PTP4A1: variants seen among roughly 807,000 people sequenced by gnomAD.
PTP4A1 encodes protein tyrosine phosphatase type IVA 1.
Under a neutral mutation model 20.5 loss-of-function variants are expected in PTP4A1, and 9 were observed. The observed-to-expected ratio is 0.44, with a 90% CI of 0.26 to 0.77. The LOEUF (loss-of-function observed/expected upper bound fraction) is 0.77. Ranked by LOEUF, PTP4A1 falls within the 30% of genes least tolerant of loss-of-function variation. The probability of loss-of-function intolerance (pLI) is 0.19; values close to 1 mark genes in which losing one functional copy is unlikely to be tolerated. For synonymous variants in PTP4A1, 78 were observed against 67.4 expected (o/e 1.16, Z -0.77); for missense variants, 137 against 218.8 (o/e 0.63, Z 2.36).
At chr6:63,562,003 A>G (rs929755078) in intron 3 of PTP4A1, among the ~76,000 whole-genome samples, 1 of 152,148 alleles carries the variant, frequency 6.6e-6, no homozygotes, top group Non-Finnish European at 1.5e-5. Flanking sequence ...CATTTTTGGA[A>G]AAAAAATACA....
chr6:63,536,127 T>C (rs1775716369), intron 2 of PTP4A1, among the ~76,000 whole-genome samples: 2 of 151,918 alleles, frequency 1.3e-5, no homozygotes, highest in Admixed American at 1.3e-4. Flanking sequence ...AGGCCAACAG[T>C]TCCAGACCAG....
At chr6:63,572,243 A>C, upstream of PTP4A1, 1 of 169,906 alleles carries the variant, frequency 5.9e-6, no homozygotes, top group Non-Finnish European at 1.3e-5. Context: ...GGCTTCCTGC[A>C]TCCCGGAGCA....
At chr6:63,563,669 C>A (rs1367349104) in intron 3 of PTP4A1, among the ~76,000 whole-genome samples, 3 of 152,108 alleles carry the variant, frequency 2.0e-5, no homozygotes, top group African/African-American at 7.2e-5. Context: ...TAGCAGAGTG[C>A]CTGGCATATG....
At chr6:63,525,110 C>T (rs1055171565) in intron 1 of PTP4A1, among the ~76,000 whole-genome samples, 5 of 152,318 alleles carry the variant, frequency 3.3e-5, no homozygotes, top group African/African-American at 9.6e-5. Context: ...TTATTCAAGG[C>T]TGTTTCAAAG....
At chr6:63,521,209 G>A (rs771487541), upstream of PTP4A1, among the ~76,000 whole-genome samples, 6 of 151,956 alleles carry the variant, frequency 3.9e-5, no homozygotes, top group Admixed American at 2.0e-4. Context: ...AGCACATGTA[G>A]CCCAAAACTT....
chr6:63,549,575 T>G, intron 2 of PTP4A1: 1 of 604,698 alleles, frequency 1.7e-6, no homozygotes, highest in Non-Finnish European at 2.9e-6. Context: ...AGTTTTTTTT[T>G]TTAAAGAAAA....
intron 3 of PTP4A1, among the ~76,000 whole-genome samples, chr6:63,562,829 A>G (rs1777023849): frequency 6.6e-6 from 1 of 152,180 alleles, no homozygotes; most frequent in Non-Finnish European, 1.5e-5. Context: ...GCCTTTATTT[A>G]TTTTAAGTTT....
At chr6:63,575,621 G>C (rs1414331841) in intron 1 of PTP4A1, among the ~76,000 whole-genome samples, 1 of 152,082 alleles carries the variant, frequency 6.6e-6, no homozygotes, top group Middle Eastern at 3.2e-3. Context: ...TTGGATTTCA[G>C]TTTTGAGTTG....
chr6:63,524,515 T>C (rs1775077517), intron 1 of PTP4A1, among the ~76,000 whole-genome samples: 2 of 152,184 alleles, frequency 1.3e-5, no homozygotes. Context: ...GAAAAATATG[T>C]ATAATTTTAA....
At chr6:63,527,918 T>A (rs1775257682) in exon 2 of PTP4A1, 1 of 152,178 alleles carries the variant, frequency 6.6e-6, no homozygotes, top group Non-Finnish European at 1.5e-5. Context: ...AGCCTAACAA[T>A]CAGGTCAGGG....
At chr6:63,534,596 C>T (rs759547306) in intron 2 of PTP4A1, among the ~76,000 whole-genome samples, 1 of 151,946 alleles carries the variant, frequency 6.6e-6, no homozygotes, top group Non-Finnish European at 1.5e-5. Flanking sequence ...TAGAGAATTG[C>T]TTGAGCCCAA....
chr6:63,544,533 C>T (rs1366396167), intron 2 of PTP4A1, among the ~76,000 whole-genome samples: 1 of 151,996 alleles, frequency 6.6e-6, no homozygotes, highest in African/African-American at 2.4e-5. Flanking sequence ...ATCTAGTTGT[C>T]GAAGTAACAT....
At chr6:63,525,070 A>G (rs1478407359) in intron 1 of PTP4A1, among the ~76,000 whole-genome samples, 1 of 152,228 alleles carries the variant, frequency 6.6e-6, no homozygotes, top group Non-Finnish European at 1.5e-5. Context: ...GCATTTCTGA[A>G]AGGGTGTTTA....
chr6:63,545,766 A>C (rs1323025727), intron 2 of PTP4A1, among the ~76,000 whole-genome samples: 3 of 152,200 alleles, frequency 2.0e-5, no homozygotes, highest in Non-Finnish European at 4.4e-5. Context: ...ACGTGCTCAA[A>C]ATTCAATCCA....
intron 2 of PTP4A1, among the ~76,000 whole-genome samples, chr6:63,542,848 C>T (rs1581921964): frequency 1.3e-5 from 2 of 152,162 alleles, no homozygotes; most frequent in Non-Finnish European, 2.9e-5. Flanking sequence ...TCCACCCCTA[C>T]CTGATTCATC....
Position 63,581,283 on chromosome 6 carries a change from A to G in PTP4A1, c.*1109A>G, listed in dbSNP as rs1208157849. On this transcript the variant is annotated 3_prime_UTR_variant, in exon 6 of 6. Transcript: ENST00000626021. ...TACTTGACAATTTGTTTTATTATGT[A>G]ATTGATAAAATGGTGATGTGTATTA... 1 of 152,556 alleles carries G rather than the reference A, an allele frequency of 6.6e-6. No homozygotes were observed. Among genetic ancestry groups the G allele is most frequent in the East Asian group, 1.9e-4 (1 of 5,198 alleles). 9.5% of individuals were successfully genotyped at this position (152,556 alleles called of 1,614,324 possible).
At chr6:63,544,165 G>T (rs1263531192) in intron 2 of PTP4A1, among the ~76,000 whole-genome samples, 1 of 152,068 alleles carries the variant, frequency 6.6e-6, no homozygotes, top group African/African-American at 2.4e-5. Context: ...TGTCCGGAGG[G>T]CTTTACCACA....
At chr6:63,566,677 A>T (rs1777203407) in intron 3 of PTP4A1, among the ~76,000 whole-genome samples, 1 of 152,226 alleles carries the variant, frequency 6.6e-6, no homozygotes, top group African/African-American at 2.4e-5. Flanking sequence ...CAGCTGACTG[A>T]TCAGGGAGGT....
chr6:63,532,886 G>A (rs117298411), intron 2 of PTP4A1, among the ~76,000 whole-genome samples: 1 of 152,088 alleles, frequency 6.6e-6, no homozygotes, highest in African/African-American at 2.4e-5. Flanking sequence ...AATTATATCT[G>A]CTTTTTAGCT....
Sources: gnomAD v4.1 joint callset for allele counts (sites outside exome capture counted in the v4.1 genomes callset) on GRCh38, gnomAD v4.1.1 for gene constraint, MANE v1.5 for transcripts, NCBI Gene and HGNC (gene_info 2026-07-23, HGNC 2026-07-21) for gene names.